STK32B: variants seen among roughly 807,000 people sequenced by gnomAD.
The protein encoded by STK32B is serine/threonine kinase 32B.
In STK32B, 43 loss-of-function variants were observed where a neutral mutation model predicts 52.6. The observed-to-expected ratio is 0.82, with a 90% CI of 0.64 to 1.05. STK32B has a LOEUF of 1.05. STK32B is among the 50% of genes least tolerant of loss of function. The probability of loss-of-function intolerance (pLI) is 0.00; values close to 1 mark genes in which losing one functional copy is unlikely to be tolerated. For missense variants in STK32B, 621 were observed against 534.6 expected, an observed-to-expected ratio of 1.16 and a Z score of -1.59; for synonymous variants, 238 against 204.3, an observed-to-expected ratio of 1.17 and a Z score of -1.41.
Position 5,145,313 on chromosome 4 carries a change from T to C in STK32B, c.108+5353T>C, listed in dbSNP as rs191518725. On this transcript the variant is annotated intron_variant, in intron 2 of 11. Transcript: ENST00000282908. ...AGCAAATTGCAAATATTTGTACATT[T>C]CTCCTTAAATATTTCAGCCTAGAGA... Among the ~76,000 whole-genome samples the C allele has an allele frequency of 3.3e-5, 5 of 152,344 alleles. No homozygotes were observed. In the East Asian group the frequency reaches 9.7e-4, roughly 29 times the overall value.
intron 2 of STK32B, among the ~76,000 whole-genome samples, chr4:5,154,881 C>T (rs557342894): frequency 3.2e-4 from 49 of 152,184 alleles, no homozygotes; most frequent in Non-Finnish European, 6.6e-4. Context: ...AGACAGCAGC[C>T]AGGGATGTGC....
chr4:5,340,990 A>G (rs1466473527), intron 4 of STK32B, among the ~76,000 whole-genome samples: 2 of 152,326 alleles, frequency 1.3e-5, no homozygotes, highest in East Asian at 1.9e-4. Context: ...CTGGCAGGTC[A>G]TGGAACCCTG....
intron 4 of STK32B, among the ~76,000 whole-genome samples, chr4:5,366,369 A>G (rs1009575898): frequency 6.6e-6 from 1 of 152,238 alleles, no homozygotes; most frequent in Admixed American, 6.5e-5. Flanking sequence ...GGAAAAATTA[A>G]AACAGAGTGG....
chr4:5,215,350 A>G (rs1317757884), intron 3 of STK32B, among the ~76,000 whole-genome samples: 3 of 152,178 alleles, frequency 2.0e-5, no homozygotes, highest in African/African-American at 7.2e-5. Flanking sequence ...ATCAGATATC[A>G]CATCTGATTT....
intron 1 of STK32B, among the ~76,000 whole-genome samples, chr4:5,096,793 C>T (rs1332427070): frequency 1.3e-5 from 2 of 152,094 alleles, no homozygotes; most frequent in African/African-American, 2.4e-5. Context: ...GACTGCCAAC[C>T]GGCAAAAAGA....
intron 1 of STK32B, among the ~76,000 whole-genome samples, chr4:5,066,324 C>G (rs963081879): frequency 2.7e-4 from 41 of 152,158 alleles, no homozygotes; most frequent in African/African-American, 9.7e-4. Flanking sequence ...TCCAGCCACA[C>G]CAACCTCAGT....
chr4:5,281,177 G>A (rs193167475), intron 3 of STK32B, among the ~76,000 whole-genome samples: 1 of 152,182 alleles, frequency 6.6e-6, no homozygotes, highest in African/African-American at 2.4e-5. Context: ...AGAACAGCAA[G>A]GGGGAAATCT....
intron 3 of STK32B, among the ~76,000 whole-genome samples, chr4:5,282,788 A>G (rs1728294219): frequency 6.6e-6 from 1 of 152,182 alleles, no homozygotes; most frequent in African/African-American, 2.4e-5. Flanking sequence ...TTGATGTCCT[A>G]GGCAGGACAG....
intron 4 of STK32B, among the ~76,000 whole-genome samples, chr4:5,341,868 T>C (rs1577371574): frequency 6.6e-6 from 1 of 152,100 alleles, no homozygotes; most frequent in South Asian, 2.1e-4. Flanking sequence ...AAAAATACTT[T>C]AAATTCTAGG....
At chr4:5,024,112 T>C in the STK32B span, among the ~76,000 whole-genome samples, 6 of 152,238 alleles carry the variant, frequency 3.9e-5, no homozygotes, top group Non-Finnish European at 8.8e-5. Flanking sequence ...CTCTGTTCTA[T>C]ATTGTGATAG....
At chr4:5,281,130 C>A (rs1019810814) in intron 3 of STK32B, among the ~76,000 whole-genome samples, 8 of 149,354 alleles carry the variant, frequency 5.4e-5, no homozygotes, top group Admixed American at 2.6e-4. Flanking sequence ...GGGCTGCACA[C>A]TTAACCAACC....
intron 11 of STK32B, among the ~76,000 whole-genome samples, chr4:5,475,084 C>T (rs796139012): frequency 6.6e-6 from 1 of 152,118 alleles, no homozygotes; most frequent in African/African-American, 2.4e-5. Context: ...TTAATAGTGC[C>T]ACAAAACTCA....
At chr4:5,100,803 T>TCTTTCTTTCCTTCCTTCCCCC (rs1713737741) in intron 1 of STK32B, among the ~76,000 whole-genome samples, 2 of 16,446 alleles carry the variant, frequency 1.2e-4, no homozygotes, top group Admixed American at 6.4e-4. Context: ...TTCCTTCCCC[T>TCTTTCTTTCCTTCCTTCCCCC]TCCTTCCTTC....
At chr4:5,182,803 C>T (rs1720462209) in intron 3 of STK32B, among the ~76,000 whole-genome samples, 1 of 151,592 alleles carries the variant, frequency 6.6e-6, no homozygotes, top group Admixed American at 6.6e-5. Context: ...GTCAAGATTA[C>T]TCCTTGATCC....
rs925768773 is a variant in STK32B at position 5,466,578 on chromosome 4, G to A, written c.910-125G>A. 22 of 1,257,514 alleles carry A rather than the reference G, an allele frequency of 1.7e-5. No individual in the cohort carries two copies. In the East Asian group the frequency reaches 3.4e-4, roughly 19 times the overall value. The allele number at this position is 1,257,514 out of a possible 1,614,324, so 77.9% of individuals were successfully genotyped here. On this transcript the variant is annotated intron_variant, in intron 9 of 11. Transcript: ENST00000282908. ...CAGAAAACAGAAACAAAGGTAACCCGTGTATCCAACAAGAGTAAGTTCATC... is the reference window on the plus strand; with the variant it reads ...CAGAAAACAGAAACAAAGGTAACCCATGTATCCAACAAGAGTAAGTTCATC...
chr4:5,317,200 T>TA (rs1731052903), intron 3 of STK32B, among the ~76,000 whole-genome samples: 1 of 60,978 alleles, frequency 1.6e-5, no homozygotes, highest in African/African-American at 1.1e-4. Flanking sequence ...AACATATATA[T>TA]ATTATATATA....
chr4:5,262,240 A>C (rs776363362), intron 3 of STK32B, among the ~76,000 whole-genome samples: 1 of 152,170 alleles, frequency 6.6e-6, no homozygotes, highest in Non-Finnish European at 1.5e-5. Flanking sequence ...GCAGGCAGGC[A>C]TAATTTTAGA....
rs777340592 is a variant in STK32B at position 5,446,695 on chromosome 4, C to T, written c.585C>T (p.Tyr195=). ...PYMAPEVFQV[Y]MDRGPGYSYP... is the part of the protein sequence containing the mutation. The stretch of plus-strand genomic sequence containing the variant: ...CAGCTCCAGAAGTATTCCAGGTGTA[C>T]ATGGACAGAGGCCCCGGATACTCGT... The change falls in exon 7 of 12, where the codon TAC becomes TAT. Residue 195 remains tyrosine, a synonymous_variant. Transcript: ENST00000282908. 2.5e-6 allele frequency: 4 copies of T among 1,613,886 alleles called. No individual in the cohort carries two copies. The highest frequency in any genetic ancestry group is 1.1e-5 in the South Asian group (1 of 91,078).
chr4:5,186,550 C>G (rs1293859848), intron 3 of STK32B, among the ~76,000 whole-genome samples: 1 of 152,088 alleles, frequency 6.6e-6, no homozygotes, highest in Admixed American at 6.6e-5. Flanking sequence ...GGATGGTTAT[C>G]GTGCTTTGGT....
Sources: gnomAD v4.1 joint callset for allele counts (sites outside exome capture counted in the v4.1 genomes callset) on GRCh38, gnomAD v4.1.1 for gene constraint, MANE v1.5 for transcripts, NCBI Gene and HGNC (gene_info 2026-07-23, HGNC 2026-07-21) for gene names.